NAGA: variants seen among roughly 807,000 people sequenced by gnomAD.
NAGA encodes the protein alpha-N-acetylgalactosaminidase, also known as Acetylgalactosaminidase, alpha-N- (alpha-galactosidase B).
A neutral mutation model predicts 45.6 loss-of-function variants in NAGA; 42 were observed. That is an observed-to-expected ratio of 0.92 (90% CI 0.72 to 1.19). The LOEUF is 1.19. Among genes scored for constraint, NAGA ranks in the 50% most tolerant of loss-of-function variants. The pLI is 0.00. For missense variants in NAGA, 493 were observed against 544.8 expected, an observed-to-expected ratio of 0.90 and a Z score of 0.95; for synonymous variants, 176 against 203.1, an observed-to-expected ratio of 0.87 and a Z score of 1.13.
Position 42,068,586 on chromosome 22 carries a change from G to C in NAGA, c.17-12C>G. On this transcript the variant is annotated splice_polypyrimidine_tract_variant and intron_variant, in intron 1 of 8. Coordinates refer to ENST00000396398, the MANE Select transcript of NAGA (RefSeq NM_000262.3). ...TCCCAGCAAGAGCACTAGGGGGCAA[G>C]GGAGGAGGGGATGGTGACTATCAGT... The C allele has an allele frequency of 6.2e-7, 1 of 1,613,922 alleles. No homozygotes were observed. Among genetic ancestry groups the C allele is most frequent in the Non-Finnish European group, 8.5e-7 (1 of 1,179,980 alleles).
At chr22:42,069,079 A>G (rs1264955236) in intron 1 of NAGA, among the ~76,000 whole-genome samples, 1 of 152,112 alleles carries the variant, frequency 6.6e-6, no homozygotes, top group African/African-American at 2.4e-5. Context: ...TGTCTCTACT[A>G]AAAATTCAAA....
chr22:42,063,246 A>T (rs1414359708), intron 6 of NAGA, among the ~76,000 whole-genome samples: 1 of 152,046 alleles, frequency 6.6e-6, no homozygotes, highest in Non-Finnish European at 1.5e-5. Context: ...TCCATCAAGA[A>T]CAGGAGTCGG....
In NAGA at chr22:42,060,605, C is replaced by T. The variant is rs1462123655; in HGVS notation, c.1102-192G>A. ...AGCAAATCCAGCAGGTGCCCAAGCA[C>T]GGGCAGTGGAGAAAGCCCCAGCCCA... is the stretch of plus-strand genomic sequence containing the variant. On this transcript the variant is annotated intron_variant, in intron 8 of 8. Transcript: ENST00000396398. 3.3e-5 allele frequency among the ~76,000 whole-genome samples: 5 copies of T among 152,170 alleles called. No individual in the cohort carries two copies. The South Asian group carries it at 8.3e-4, about 25-fold the overall frequency.
chr22:42,068,750 C>G (rs960000831), intron 1 of NAGA, among the ~76,000 whole-genome samples, 176 bp from the exon 2 acceptor site: 1 of 151,912 alleles, frequency 6.6e-6, no homozygotes, highest in African/African-American at 2.4e-5. Context: ...CTGGCTCTTG[C>G]AAAGCAGTAA....
rs374542831 is a variant in NAGA at position 42,062,924 on chromosome 22, C to G, written c.860G>C (p.Arg287Pro). 1 of 1,614,110 alleles carries G rather than the reference C, an allele frequency of 6.2e-7. No individual in the cohort carries two copies. The highest frequency in any genetic ancestry group is 1.3e-5 in the African/African-American group (1 of 75,008). Residue 287 changes from arginine (R) to proline (P), a missense_variant, in exon 7 of 9, where the codon CGT (arginine) becomes CCT (proline). Coordinates refer to ENST00000396398, the MANE Select transcript of NAGA (RefSeq NM_000262.3). Reference protein sequence around the residue: ...AAPLLMSTDLRTISAQNMDIL... With the variant: ...AAPLLMSTDLPTISAQNMDIL... Reference sequence around the variant, plus strand: ...GTCCATGTTCTGGGCGGAGATGGTACGCAGGTCTGTGGACATCAAGAGGGG... The same window carrying G: ...GTCCATGTTCTGGGCGGAGATGGTAGGCAGGTCTGTGGACATCAAGAGGGG...
At position 42,070,400 on chromosome 22, in the gene NAGA, GT is replaced by G; in HGVS notation, c.-104del. ...TAAGAAACGTCTGAAAAGCACTGGG[GT>G]CACGGCTGCCTGGCTAGCTCGGCCG... On this transcript the variant is annotated 5_prime_UTR_variant, in exon 1 of 9. It introduces an in-frame stop codon into an upstream open reading frame of the 5' UTR. Coordinates refer to ENST00000396398, the MANE Select transcript of NAGA (RefSeq NM_000262.3). The G allele has an allele frequency of 4.8e-6, 7 of 1,443,978 alleles. No individual in the cohort carries two copies. The Admixed American group carries it at 1.2e-4, about 24-fold the overall frequency. 89.4% of individuals were successfully genotyped at this position (1,443,978 alleles called of 1,614,324 possible). A position where few individuals can be genotyped will look rare whatever the true frequency, so the allele number is the denominator to read the frequency against.
chr22:42,070,346 A>C lies in NAGA; in HGVS notation c.-49T>G, dbSNP rs1926981092. 13 of 1,611,180 alleles carry C rather than the reference A, an allele frequency of 8.1e-6. No homozygotes were observed. The highest frequency in any genetic ancestry group is 1.1e-5 in the Non-Finnish European group (13 of 1,177,348). ...ACCTGACCAGATCTGGTCTGCGTGT[A>C]TCAGCTGTATGTGTTGGGCTCTGGA... On this transcript the variant is annotated 5_prime_UTR_variant, in exon 1 of 9. Transcript: ENST00000396398.
chr22:42,066,643 T>G, intron 5 of NAGA, 67 bp downstream of exon 5: 1 of 1,443,324 alleles, frequency 6.9e-7, no homozygotes, highest in South Asian at 1.2e-5. Context: ...CCCTGAAGCC[T>G]GGCACTCAGG....
Position 42,066,095 on chromosome 22 carries a change from C to T in NAGA, c.598-196G>A, listed in dbSNP as rs1024598365. ...CTCTGGGGCTACCGGGGTCTCCCTT[C>T]TGTGCATGCTGGTGCCAGGAGCCTA... On this transcript the variant is annotated intron_variant, in intron 5 of 8. Transcript: ENST00000396398. Among the ~76,000 whole-genome samples the T allele has an allele frequency of 1.6e-4, 25 of 152,164 alleles. 1 individual carries two copies.
In NAGA at chr22:42,067,800, G is replaced by T. The variant is rs140775168; in HGVS notation, c.289C>A (p.Arg97Ser). ...AGGAAAGGAATGCCATGAGGGAAGC[G>T]CTTGGGATCCGGCATCAGGCGGCCA... ...ASGRLMPDPKRFPHGIPFLAD... is the reference protein window; with the variant it reads ...ASGRLMPDPKSFPHGIPFLAD... The change falls in exon 3 of 9, where the codon CGC becomes AGC. Residue 97 changes from arginine to serine, a missense_variant. Arg to Ser is a moderately radical substitution (Grantham distance 110, BLOSUM62 -1). Transcript: ENST00000396398. 1.2e-6 allele frequency: 2 copies of T among 1,612,584 alleles called. No individual in the cohort carries two copies. Among genetic ancestry groups the T allele is most frequent in the Non-Finnish European group, 1.7e-6 (2 of 1,179,998 alleles).
rs773766900 is a variant in NAGA, at chr22:42,070,311, G to T, written c.-14C>A. Reference sequence around the variant, plus strand: ...CTTCAGCAGCATCGCTCTGGACTCAGCTTCCGAGGACCTGACCAGATCTGG... The same window carrying T: ...CTTCAGCAGCATCGCTCTGGACTCATCTTCCGAGGACCTGACCAGATCTGG... On this transcript the variant is annotated 5_prime_UTR_variant, in exon 1 of 9. The change creates a new upstream start codon in the 5' untranslated region. Transcript: ENST00000396398. 2 of 1,614,210 alleles carry T rather than the reference G, an allele frequency of 1.2e-6. No homozygotes were observed. Among genetic ancestry groups the T allele is most frequent in the South Asian group, 2.2e-5 (2 of 91,082 alleles).
At position 42,060,393 on chromosome 22, in the gene NAGA, ACCTGAGTAGACGT is replaced by A; in HGVS notation, c.1109_1121del (p.Asp370ValfsTer15). 6.2e-7 allele frequency: 1 copy of A among 1,613,084 alleles called. No homozygotes were observed. Among genetic ancestry groups the A allele is most frequent in the Non-Finnish European group, 8.5e-7 (1 of 1,179,918 alleles). ...CATCTCGGAGGCCACTGATGATGTCACCTGAGTAGACGTCCTGGGCCTGCAGTGGGGAGGGACA... is the reference window on the plus strand; with the variant it reads ...CATCTCGGAGGCCACTGATGATGTCACCTGGGCCTGCAGTGGGGAGGGACA... On this transcript the variant is annotated frameshift_variant, in exon 9 of 9. Transcript: ENST00000396398. LOFTEE classifies it high-confidence loss of function.
chr22:42,066,872 C>T, intron 4 of NAGA, 68 bp from the exon 5 acceptor site: 1 of 1,511,630 alleles, frequency 6.6e-7, no homozygotes, highest in Non-Finnish European at 9.1e-7. Flanking sequence ...TTAGCCCAGA[C>T]CTTTTCCCAA....
At position 42,067,811 on chromosome 22, in the gene NAGA, G is replaced by C; in HGVS notation, c.278C>G (p.Pro93Arg). 6.2e-7 allele frequency: 1 copy of C among 1,612,536 alleles called. No individual in the cohort carries two copies. Among genetic ancestry groups the C allele is most frequent in the Non-Finnish European group, 8.5e-7 (1 of 1,179,950 alleles). Residue 93 changes from proline to arginine, a missense_variant, in exon 3 of 9, where the codon CCG becomes CGG. Physicochemically the swap from Pro to Arg is moderately radical, Grantham distance 103. Coordinates refer to ENST00000396398, the MANE Select transcript of NAGA (RefSeq NM_000262.3). ...GCCATGAGGGAAGCGCTTGGGATCCGGCATCAGGCGGCCACTGGCATCGCG... is the reference window on the plus strand; with the variant it reads ...GCCATGAGGGAAGCGCTTGGGATCCCGCATCAGGCGGCCACTGGCATCGCG... The part of the protein sequence containing the change: ...GGRDASGRLM[P>R]DPKRFPHGIP...
chr22:42,061,060 G>T lies in NAGA; in HGVS notation c.965C>A (p.Ser322Tyr). ...IQGRRIHKEKSLIEVYMRPLS... is the reference protein window; with the variant it reads ...IQGRRIHKEKYLIEVYMRPLS... ...AGGCCGCATGTACACTTCGATGAGAGATTTTTCCTGGGCACAGAAGGTGGC... is the reference window on the plus strand; with the variant it reads ...AGGCCGCATGTACACTTCGATGAGATATTTTTCCTGGGCACAGAAGGTGGC... The change falls in exon 8 of 9, where the codon TCT (serine) becomes TAT (tyrosine). Residue 322 changes from serine (S) to tyrosine (Y), a missense_variant. Coordinates refer to ENST00000396398, the MANE Select transcript of NAGA (RefSeq NM_000262.3). 6.2e-7 allele frequency: 1 copy of T among 1,614,086 alleles called. No individual in the cohort carries two copies. The highest frequency in any genetic ancestry group is 8.5e-7 in the Non-Finnish European group (1 of 1,180,006).
At chr22:42,063,379 C>T (rs1926524977) in intron 6 of NAGA, among the ~76,000 whole-genome samples, 1 of 151,988 alleles carries the variant, frequency 6.6e-6, no homozygotes, top group Non-Finnish European at 1.5e-5. Context: ...CCCAACCTTG[C>T]CTAGTTCACA....
chr22:42,067,202 AC>A lies in NAGA; in HGVS notation c.412del (p.Val138TrpfsTer13), dbSNP rs1926791389. The part of the protein sequence containing the change: ...MGYPGTTLDK[V>X]VQDAQTFAEW... ...GGCGAAGGTCTGAGCATCCTGGACC[AC>A]CTTGTCCAGTGTGGTGCCTGGGTAA... On this transcript the variant is annotated frameshift_variant, in exon 4 of 9. Transcript: ENST00000396398. LOFTEE classifies it high-confidence loss of function. The A allele has an allele frequency of 1.2e-6, 2 of 1,614,050 alleles. No individual in the cohort carries two copies. The highest frequency in any genetic ancestry group is 2.2e-5 in the South Asian group (2 of 91,084).
At position 42,070,726 on chromosome 22, in the gene NAGA, A is replaced by C; in HGVS notation, c.-429T>G. ...TCCGGGTTCCCGCCCTGGGCTCCCC[A>C]AAACCGCAGAGCCCCCTCCCACCGC... On this transcript the variant is annotated 5_prime_UTR_variant, in exon 1 of 9. Coordinates refer to ENST00000396398, the MANE Select transcript of NAGA (RefSeq NM_000262.3). The C allele has an allele frequency of 3.2e-6, 1 of 313,178 alleles. No homozygotes were observed. The highest frequency in any genetic ancestry group is 3.0e-5 in the South Asian group (1 of 33,044). The allele number at this position is 313,178 out of a possible 1,614,324, so 19.4% of individuals were successfully genotyped here.
rs1055336983 is a variant in NAGA, at chr22:42,059,708, G to C, written c.*571C>G. 3.7e-5 allele frequency: 6 copies of C among 160,894 alleles called. No homozygotes were observed. Among genetic ancestry groups the C allele is most frequent in the Admixed American group, 3.5e-4 (6 of 17,278 alleles). 10.0% of individuals were successfully genotyped at this position (160,894 alleles called of 1,614,324 possible). A position where few individuals can be genotyped will look rare whatever the true frequency, so the allele number is the denominator to read the frequency against. On this transcript the variant is annotated 3_prime_UTR_variant, in exon 9 of 9. Coordinates refer to ENST00000396398, the MANE Select transcript of NAGA (RefSeq NM_000262.3). ...AGGTGAGATTTGAATCCAGCACCCC[G>C]TGTAGTGCCACCAGAGTCCCTAACT...
Sources: gnomAD v4.1 joint callset for allele counts (sites outside exome capture counted in the v4.1 genomes callset) on GRCh38, gnomAD v4.1.1 for gene constraint, MANE v1.5 for transcripts, NCBI Gene and HGNC (gene_info 2026-07-23, HGNC 2026-07-21) for gene names.